WLS: variants seen among roughly 807,000 people sequenced by gnomAD.
WLS encodes protein wntless homolog.
In WLS, 23 loss-of-function variants were observed where a neutral mutation model predicts 62.8. That is an observed-to-expected ratio of 0.37 (90% CI 0.26 to 0.52). The LOEUF (loss-of-function observed/expected upper bound fraction) is 0.52, where lower values mean the gene tolerates loss of function less well. Ranked by LOEUF, WLS falls within the 20% of genes least tolerant of loss-of-function variation. The pLI is 0.92. For synonymous variants in WLS, 246 were observed against 244.1 expected, an observed-to-expected ratio of 1.01 and a Z score of -0.07; for missense variants, 615 against 697.3, an observed-to-expected ratio of 0.88 and a Z score of 1.33.
chr1:68,168,223 A>T (rs1288451331), intron 2 of WLS, among the ~76,000 whole-genome samples: 7 of 152,144 alleles, frequency 4.6e-5, no homozygotes, highest in Admixed American at 4.6e-4. Flanking sequence ...AAGGAAAAGC[A>T]ATGAAAAGGC....
intron 10 of WLS, 30 bp downstream of exon 10, chr1:68,144,539 T>G (rs1439534075): frequency 1.9e-6 from 3 of 1,601,496 alleles, no homozygotes; most frequent in Admixed American, 1.7e-5. Flanking sequence ...GCAGAGACAT[T>G]CTCACCTTGA....
chr1:68,138,026 G>C lies in WLS; in HGVS notation c.1363-93C>G, dbSNP rs1646635971. On this transcript the variant is annotated intron_variant, in intron 10 of 11. Coordinates refer to ENST00000262348, the MANE Select transcript of WLS (RefSeq NM_024911.7). ...AGGAACCAACCAACATGAAAACCAA[G>C]TCTCTTCTACATGTGGGAAACATGA... is the stretch of plus-strand genomic sequence containing the variant. The C allele has an allele frequency of 8.8e-6, 13 of 1,477,064 alleles. 1 individual carries two copies. The South Asian group carries it at 1.7e-4, about 19-fold the overall frequency. The allele number at this position is 1,477,064 out of a possible 1,614,324, so 91.5% of individuals were successfully genotyped here. A position where few individuals can be genotyped will look rare whatever the true frequency, so the allele number is the denominator to read the frequency against.
rs112351005 is a variant in WLS at position 68,230,570 on chromosome 1, C to CGT, written c.106+1622_106+1623dup. On this transcript the variant is annotated intron_variant, in intron 1 of 11. Transcript: ENST00000262348. ...GAAGCTCCTAACACAAAAGCCAACC[C>CGT]GTGTGTGTGTGTGCGCGCGTGTGTG... Among the ~76,000 whole-genome samples, 178 of 118,720 alleles carry CGT rather than the reference C, an allele frequency of 1.5e-3. 1 individual carries two copies. The highest frequency in any genetic ancestry group is 4.6e-3 in the African/African-American group (154 of 33,678). 77.9% of individuals were successfully genotyped at this position (118,720 alleles called of 152,430 possible).
At chr1:68,193,825 C>T (rs1648502529) in intron 2 of WLS, 130 bp downstream of exon 2, 1 of 1,216,686 alleles carries the variant, frequency 8.2e-7, no homozygotes, top group Admixed American at 2.4e-5. Flanking sequence ...ACAGAAAGTG[C>T]CTGGGAAGTA....
At chr1:68,196,889 A>G (rs1648694572) in intron 1 of WLS, among the ~76,000 whole-genome samples, 1 of 152,140 alleles carries the variant, frequency 6.6e-6, no homozygotes, top group Admixed American at 6.6e-5. Context: ...TGACTCAGCT[A>G]AATAGCCCAC....
intron 5 of WLS, among the ~76,000 whole-genome samples, chr1:68,152,977 G>A (rs1042966860): frequency 6.6e-6 from 1 of 152,114 alleles, no homozygotes; most frequent in African/African-American, 2.4e-5. Flanking sequence ...GCAAAGACAG[G>A]TTAAAGAACC....
chr1:68,101,312 T>C (rs1356418269), intron 11 of WLS, among the ~76,000 whole-genome samples: 1 of 152,074 alleles, frequency 6.6e-6, no homozygotes, highest in African/African-American at 2.4e-5. Flanking sequence ...TTTGCTATTA[T>C]TATTATTATT....
intron 1 of WLS, among the ~76,000 whole-genome samples, chr1:68,210,694 G>A (rs1042340424): frequency 6.6e-6 from 1 of 152,110 alleles, no homozygotes; most frequent in Non-Finnish European, 1.5e-5. Context: ...GGGGTTCCCT[G>A]TTGAAAACAG....
intron 5 of WLS, among the ~76,000 whole-genome samples, chr1:68,152,316 C>A (rs775843547): frequency 1.3e-5 from 2 of 151,866 alleles, no homozygotes; most frequent in Non-Finnish European, 2.9e-5. Context: ...ATTTTTCAGA[C>A]CACAAAGGTA....
At chr1:68,098,871 A>G (rs1646041302) in intron 11 of WLS, 1 of 1,415,480 alleles carries the variant, frequency 7.1e-7, no homozygotes, top group African/African-American at 1.4e-5. Context: ...ATAAATTTCT[A>G]GTGGAGTGTT....
downstream of WLS, chr1:68,125,357 GTA>G: frequency 1.0e-6 from 1 of 985,406 alleles, no homozygotes; most frequent in South Asian, 4.7e-5. Flanking sequence ...GCACGCATGT[GTA>G]TGAGTTTTAG....
At chr1:68,227,771 A>T (rs373875611) in intron 1 of WLS, among the ~76,000 whole-genome samples, 1 of 152,196 alleles carries the variant, frequency 6.6e-6, no homozygotes, top group Non-Finnish European at 1.5e-5. Flanking sequence ...TCTTGTCAAG[A>T]TTCTCACCAG....
chr1:68,200,833 G>A (rs957195673), intron 1 of WLS, among the ~76,000 whole-genome samples: 2 of 152,142 alleles, frequency 1.3e-5, no homozygotes, highest in African/African-American at 4.8e-5. Flanking sequence ...CTTGCCTTAT[G>A]AGAACTTATA....
chr1:68,137,159 GTTTC>G (rs1020574543), intron 11 of WLS, among the ~76,000 whole-genome samples: 7 of 152,178 alleles, frequency 4.6e-5, no homozygotes, highest in South Asian at 4.1e-4. Context: ...CTAGGCCTCA[GTTTC>G]TTTATCTATA....
At chr1:68,190,706 GT>G (rs1648243033) in intron 2 of WLS, among the ~76,000 whole-genome samples, 1 of 152,124 alleles carries the variant, frequency 6.6e-6, no homozygotes. Flanking sequence ...CCTTGAGAGA[GT>G]TTGAGCCAGA....
At chr1:68,130,771 G>C (rs1421802997) in intron 11 of WLS, among the ~76,000 whole-genome samples, 1 of 152,100 alleles carries the variant, frequency 6.6e-6, no homozygotes, top group Admixed American at 6.6e-5. Flanking sequence ...AGCACTTTGG[G>C]AGACAGAGGC....
intron 11 of WLS, among the ~76,000 whole-genome samples, chr1:68,101,222 T>C (rs779411709): frequency 1.3e-5 from 2 of 152,192 alleles, no homozygotes; most frequent in Non-Finnish European, 2.9e-5. Flanking sequence ...ACCTCATGGG[T>C]TGTTGTGAAG....
At chr1:68,130,372 TC>T (rs1328443719) in intron 11 of WLS, among the ~76,000 whole-genome samples, 1 of 152,112 alleles carries the variant, frequency 6.6e-6, no homozygotes, top group Non-Finnish European at 1.5e-5. Flanking sequence ...GCCAGGGAGC[TC>T]CCATACCATG....
chr1:68,132,221 C>A (rs1011310648), intron 11 of WLS, among the ~76,000 whole-genome samples: 9 of 152,208 alleles, frequency 5.9e-5, no homozygotes, highest in African/African-American at 1.7e-4. Flanking sequence ...TGATTACAAA[C>A]AGCTGAGCAA....
Sources: allele counts gnomAD v4.1 joint callset (sites outside exome capture counted in the v4.1 genomes callset), GRCh38; gene constraint gnomAD v4.1.1; transcripts MANE v1.5; gene names NCBI Gene and HGNC (gene_info 2026-07-23, HGNC 2026-07-21).